Variants in MDN1 observed in about 807,000 individuals in gnomAD.
MDN1 encodes midasin.
MDN1 carries 266 observed loss-of-function variants against 669.2 expected under a neutral mutation model. That is an observed-to-expected ratio of 0.40 (90% CI 0.36 to 0.44). MDN1 has a LOEUF of 0.44. Among genes scored for constraint, MDN1 ranks in the 20% least tolerant of loss-of-function variants. The probability of loss-of-function intolerance (pLI) is 1.00; values close to 1 mark genes in which losing one functional copy is unlikely to be tolerated. For synonymous variants in MDN1, 2,385 were observed against 2,457.1 expected, an observed-to-expected ratio of 0.97 and a Z score of 0.87; for missense variants, 5,940 against 6,754.0, an observed-to-expected ratio of 0.88 and a Z score of 4.22.
intron 12 of MDN1, 52 bp downstream of exon 12, chr6:89,776,548 C>A: frequency 7.1e-7 from 1 of 1,415,500 alleles, no homozygotes; most frequent in South Asian, 1.2e-5. Flanking sequence ...AGCAAGCAAG[C>A]AAAAAATCCT....
intron 17 of MDN1, 146 bp downstream of exon 17, chr6:89,761,499 T>C: frequency 2.0e-6 from 1 of 509,486 alleles, no homozygotes; most frequent in Non-Finnish European, 3.4e-6. Context: ...ATCTTATAAT[T>C]GCCATAATTA....
At chr6:89,657,957 C>G (rs1294197197) in intron 90 of MDN1, among the ~76,000 whole-genome samples, 2 of 152,186 alleles carry the variant, frequency 1.3e-5, no homozygotes, top group Non-Finnish European at 2.9e-5. Context: ...TGTAAGTACA[C>G]GCTATGGTGT....
At chr6:89,765,988 A>G (rs542738354) in intron 15 of MDN1, among the ~76,000 whole-genome samples, 1 of 152,222 alleles carries the variant, frequency 6.6e-6, no homozygotes, top group Non-Finnish European at 1.5e-5. Context: ...AAGTAGACTG[A>G]GTTCCTTAAA....
intron 42 of MDN1, 43 bp downstream of exon 42, chr6:89,718,724 G>A: frequency 6.2e-7 from 1 of 1,610,510 alleles, no homozygotes; most frequent in Non-Finnish European, 8.5e-7. Context: ...AGACCACGGG[G>A]TTTATTATGC....
chr6:89,658,560 C>T, intron 89 of MDN1, 50 bp downstream of exon 89: 1 of 1,561,884 alleles, frequency 6.4e-7, no homozygotes, highest in Non-Finnish European at 8.7e-7. Flanking sequence ...AAGGTGACTT[C>T]TCCTCTTCCT....
chr6:89,714,516 C>T, intron 46 of MDN1, 27 bp downstream of exon 46: 2 of 1,543,306 alleles, frequency 1.3e-6, no homozygotes, highest in African/African-American at 1.4e-5. Context: ...TAAAACTCTG[C>T]AAAGGCCCAA....
Position 89,672,086 on chromosome 6 carries a change from T to C in MDN1, c.13794+114A>G, listed in dbSNP as rs568026664. 4.1e-5 allele frequency: 44 copies of C among 1,074,092 alleles called. No homozygotes were observed. The African/African-American group carries it at 6.0e-4, about 15-fold the overall frequency. 66.5% of individuals were successfully genotyped at this position (1,074,092 alleles called of 1,614,324 possible). A position where few individuals can be genotyped will look rare whatever the true frequency, so the allele number is the denominator to read the frequency against. On this transcript the variant is annotated intron_variant, in intron 82 of 101. Transcript: ENST00000369393. ...AATAAAGAGACCAAGTTCTTAGTGA[T>C]TTTGGCACTGAGGCCTGCTCTGGCA...
intron 21 of MDN1, 98 bp downstream of exon 21, chr6:89,753,985 T>C (rs1208457171): frequency 1.5e-6 from 2 of 1,324,904 alleles, no homozygotes; most frequent in African/African-American, 1.5e-5. Flanking sequence ...TCTGACTAAC[T>C]GGAAAGCACA....
chr6:89,653,627 G>A (rs976417291), intron 93 of MDN1, among the ~76,000 whole-genome samples: 26 of 152,286 alleles, frequency 1.7e-4, no homozygotes, highest in African/African-American at 6.0e-4. Flanking sequence ...GCTCCTGAGA[G>A]GACAGGAACT....
chr6:89,718,863 C>G lies in MDN1; in HGVS notation c.6225G>C (p.Leu2075=). 1.9e-6 allele frequency: 3 copies of G among 1,614,112 alleles called. No individual in the cohort carries two copies. The highest frequency in any genetic ancestry group is 4.5e-5 in the East Asian group (2 of 44,878). ...CAGTAAGGTGTGCCAGAAGCTGGACCAGGCTGGTCTTGCCCACAGAGGCTG... is the reference window on the plus strand; with the variant it reads ...CAGTAAGGTGTGCCAGAAGCTGGACGAGGCTGGTCTTGCCCACAGAGGCTG... The part of the protein sequence containing the change: ...VGPASVGKTS[L]VQLLAHLTGH... The change falls in exon 42 of 102, where the codon CTG becomes CTC. Residue 2075 remains leucine (L), a synonymous_variant. Transcript: ENST00000369393.
At chr6:89,752,410 C>T (rs1255708813) in intron 22 of MDN1, among the ~76,000 whole-genome samples, 4 of 152,128 alleles carry the variant, frequency 2.6e-5, no homozygotes, top group African/African-American at 4.8e-5. Flanking sequence ...AAAGTATTTA[C>T]GCATGTGTTA....
At position 89,800,883 on chromosome 6, in the gene MDN1, G is replaced by A. The variant is rs547360989; in HGVS notation, c.329+2445C>T. 5.3e-5 allele frequency among the ~76,000 whole-genome samples: 8 copies of A among 152,252 alleles called. No homozygotes were observed. The South Asian group carries it at 1.7e-3, about 32-fold the overall frequency. ...TCTCAGAGTTGAACTGAATTGCAGGGTACCAAACTGACGTCAGAGAATTGA... is the reference window on the plus strand; with the variant it reads ...TCTCAGAGTTGAACTGAATTGCAGGATACCAAACTGACGTCAGAGAATTGA... On this transcript the variant is annotated intron_variant, in intron 2 of 101. Coordinates refer to ENST00000369393, the MANE Select transcript of MDN1 (RefSeq NM_014611.3).
intron 16 of MDN1, among the ~76,000 whole-genome samples, chr6:89,762,086 T>C (rs1817573646): frequency 6.6e-6 from 1 of 152,202 alleles, no homozygotes; most frequent in Admixed American, 6.6e-5. Flanking sequence ...ATAAGCTTTT[T>C]CTGAGGAAAT....
Position 89,758,261 on chromosome 6 carries a change from C to G in MDN1, c.2696G>C (p.Arg899Thr). The part of the protein sequence containing the change: ...VGKRNLPPGI[R>T]NRFTELYVEE... ...CCAAGAACCAAACCCTCACCTGTTT[C>G]TTATTCCTGGTGGGAGATTTCTTTT... is the stretch of plus-strand genomic sequence containing the variant. The change falls in exon 19 of 102, where the codon AGA becomes ACA. Residue 899 changes from arginine to threonine, a missense_variant. Arg to Thr is a moderately conservative substitution (Grantham distance 71). This residue lies in a region of MDN1 where 1,203 missense variants were observed against 1,268.9 expected (regional missense o/e 0.95). Coordinates refer to ENST00000369393, the MANE Select transcript of MDN1 (RefSeq NM_014611.3). 1 of 1,607,894 alleles carries G rather than the reference C, an allele frequency of 6.2e-7. No individual in the cohort carries two copies. The highest frequency in any genetic ancestry group is 8.5e-7 in the Non-Finnish European group (1 of 1,176,232).
Position 89,701,137 on chromosome 6 carries a change from C to T in MDN1, c.8428-281G>A, listed in dbSNP as rs111244367. Among the ~76,000 whole-genome samples the T allele has an allele frequency of 1.1e-3, 165 of 152,234 alleles. 1 individual carries two copies. Among genetic ancestry groups the T allele is most frequent in the Middle Eastern group, 3.4e-3 (1 of 294 alleles). ...CTGCCCTCTTGTTATGTGCGGGTTC[C>T]GCATCAATTCAACCAACCGTGGGTC... On this transcript the variant is annotated intron_variant, in intron 55 of 101. Coordinates refer to ENST00000369393, the MANE Select transcript of MDN1 (RefSeq NM_014611.3).
chr6:89,740,455 G>GAA, intron 31 of MDN1, 77 bp from the exon 32 acceptor site: 11 of 1,255,778 alleles, frequency 8.8e-6, no homozygotes, highest in South Asian at 3.2e-5. Flanking sequence ...CTCTTTAAAA[G>GAA]AAAAAAAAAA....
intron 88 of MDN1, among the ~76,000 whole-genome samples, chr6:89,660,376 G>A (rs1386716274): frequency 6.6e-6 from 1 of 151,904 alleles, no homozygotes; most frequent in African/African-American, 2.4e-5. Context: ...GTAGAGACAG[G>A]GTCTCACTAT....
Position 89,712,725 on chromosome 6 carries a change from T to C in MDN1, c.7280A>G (p.Asp2427Gly), listed in dbSNP as rs567174877. Residue 2427 changes from aspartate (D) to glycine (G), a missense_variant, in exon 48 of 102, where the codon GAC becomes GGC. This residue lies in a region of MDN1 where 2,292 missense variants were observed against 2,638.3 expected (regional missense o/e 0.87). Transcript: ENST00000369393. ...CCACAGTCCCATGCCAAGAATGGAG[T>C]CTCCCCAGGTTTCATGTGCTCGCAA... Reference protein sequence around the residue: ...SSLRAHETWGDSILGMGLWPD... With the variant: ...SSLRAHETWGGSILGMGLWPD... 3.7e-6 allele frequency: 6 copies of C among 1,613,586 alleles called. No individual in the cohort carries two copies. The African/African-American group carries it at 5.3e-5, about 14-fold the overall frequency.
intron 19 of MDN1, 48 bp from the exon 20 acceptor site, chr6:89,756,438 A>G: frequency 1.2e-6 from 1 of 857,292 alleles, no homozygotes; most frequent in Non-Finnish European, 1.8e-6. Context: ...TAATATAACT[A>G]TGTTGACAAT....
Sources: allele counts gnomAD v4.1 joint callset (sites outside exome capture counted in the v4.1 genomes callset), GRCh38; gene constraint gnomAD v4.1.1; regional missense constraint gnomAD v4.1.1; transcripts MANE v1.5; gene names NCBI Gene and HGNC (gene_info 2026-07-23, HGNC 2026-07-21).